DNAH17: variants seen among roughly 807,000 people sequenced by gnomAD.
DNAH17 encodes axonemal beta dynein heavy chain 17.
A neutral mutation model predicts 485.6 loss-of-function variants in DNAH17; 376 were observed. That is an observed-to-expected ratio of 0.77 (90% confidence interval 0.71 to 0.84). The LOEUF is 0.84. Among genes scored for constraint, DNAH17 ranks in the 40% least tolerant of loss-of-function variants. The pLI is 0.00. For missense variants in DNAH17, 6,370 were observed against 5,839.3 expected, an observed-to-expected ratio of 1.09 and a Z score of -2.96; for synonymous variants, 3,031 against 2,405.9, an observed-to-expected ratio of 1.26 and a Z score of -7.60.
intron 57 of DNAH17, 82 bp downstream of exon 57, chr17:78,462,762 C>G: frequency 7.1e-7 from 1 of 1,403,362 alleles, no homozygotes; most frequent in Non-Finnish European, 9.9e-7. Context: ...GTGACCAGCC[C>G]GTGGATGCCT....
Position 78,572,877 on chromosome 17 carries a change from T to TA in DNAH17, c.362dup (p.Leu121PhefsTer5). On this transcript the variant is annotated frameshift_variant, in exon 3 of 81. Transcript: ENST00000389840. LOFTEE classifies it high-confidence loss of function. ...ATCCAGCCATGTTCTCACTTTGGTTTAACAGAGAAGAGAGGACCTAAAAGG... is the reference window on the plus strand; with the variant it reads ...ATCCAGCCATGTTCTCACTTTGGTTTAAACAGAGAAGAGAGGACCTAAAAGG... 1.2e-6 allele frequency: 2 copies of TA among 1,613,812 alleles called. No homozygotes were observed. The highest frequency in any genetic ancestry group is 2.7e-5 in the African/African-American group (2 of 75,046).
chr17:78,446,701 T>C (rs2087320681), intron 69 of DNAH17, among the ~76,000 whole-genome samples: 1 of 152,232 alleles, frequency 6.6e-6, no homozygotes, highest in East Asian at 1.9e-4. Flanking sequence ...TGGAGCGCAG[T>C]AGCGCAATCT....
At chr17:78,559,765 C>CT (rs1357809411) in intron 13 of DNAH17, among the ~76,000 whole-genome samples, 3 of 152,158 alleles carry the variant, frequency 2.0e-5, no homozygotes, top group Non-Finnish European at 4.4e-5. Flanking sequence ...CCATGGGGCC[C>CT]TTCCTCGTCA....
chr17:78,569,855 C>T (rs1015015548), intron 7 of DNAH17, among the ~76,000 whole-genome samples: 2 of 152,166 alleles, frequency 1.3e-5, no homozygotes, highest in African/African-American at 4.8e-5. Context: ...AGGGATACAG[C>T]CCTTCAGCTC....
chr17:78,539,793 A>G lies in DNAH17; in HGVS notation c.2620T>C (p.Phe874Leu), dbSNP rs759027712. ...IYIDDMVLDEFDQFIRKSLSF... is the reference protein window; with the variant it reads ...IYIDDMVLDELDQFIRKSLSF... ...AGAGATTTGCGAATGAACTGGTCAA[A>G]TTCATCTAAGACCATGTCGTCAATG... The change falls in exon 18 of 81, where the codon TTT becomes CTT. Residue 874 changes from phenylalanine (F) to leucine (L), a missense_variant. Transcript: ENST00000389840. The G allele has an allele frequency of 1.2e-6, 2 of 1,612,096 alleles. No individual in the cohort carries two copies. Among genetic ancestry groups the G allele is most frequent in the Non-Finnish European group, 1.7e-6 (2 of 1,179,598 alleles).
intron 33 of DNAH17, chr17:78,502,262 C>T: frequency 3.0e-6 from 1 of 329,960 alleles, no homozygotes; most frequent in South Asian, 5.0e-5. Context: ...CAGGTAAATT[C>T]TCCTTCTTTT....
Position 78,572,694 on chromosome 17 carries a change from C to A in DNAH17, c.539+7G>T. On this transcript the variant is annotated splice_region_variant and intron_variant, in intron 3 of 80. Transcript: ENST00000389840. ...AGCGGCAGCCGGAAGCAGCTGGGCC[C>A]ACACACCTCTCCATGGACTCCAGCG... 6.3e-7 allele frequency: 1 copy of A among 1,597,132 alleles called. No homozygotes were observed. Among genetic ancestry groups the A allele is most frequent in the African/African-American group, 1.3e-5 (1 of 74,672 alleles).
chr17:78,485,750 A>G lies in DNAH17; in HGVS notation c.7283T>C (p.Leu2428Ser). The change falls in exon 47 of 81, where the codon TTG becomes TCG. Residue 2428 changes from leucine (L) to serine (S), a missense_variant. Transcript: ENST00000389840. Reference sequence around the variant, plus strand: ...GCGGATGGTTTCCGTGGTGTGGACCAAAGAGGCCTGGGGCAGGGGAGGGAA... The same window carrying G: ...GCGGATGGTTTCCGTGGTGTGGACCGAAGAGGCCTGGGGCAGGGGAGGGAA... ...LDPDVPLQAS[L>S]VHTTETIRIR... 6.2e-7 allele frequency: 1 copy of G among 1,609,860 alleles called. No individual in the cohort carries two copies. Among genetic ancestry groups the G allele is most frequent in the Non-Finnish European group, 8.5e-7 (1 of 1,179,666 alleles).
chr17:78,490,883 C>G (rs762550037), intron 43 of DNAH17, 36 bp from the exon 44 acceptor site: 1 of 1,549,100 alleles, frequency 6.5e-7, no homozygotes, highest in South Asian at 1.2e-5. Context: ...GGTCCTAAGG[C>G]GACACCTGCC....
At chr17:78,492,794 G>T in intron 41 of DNAH17, 29 bp from the exon 42 acceptor site, 1 of 1,599,046 alleles carries the variant, frequency 6.3e-7, no homozygotes, top group South Asian at 1.1e-5. Flanking sequence ...ACTCACGTGT[G>T]ACTCCATGTT....
At chr17:78,555,503 C>T (rs1320114979) in intron 14 of DNAH17, among the ~76,000 whole-genome samples, 2 of 138,824 alleles carry the variant, frequency 1.4e-5, no homozygotes, top group Non-Finnish European at 3.1e-5. Context: ...ATCTGGGGAG[C>T]CCTGCCACGG....
chr17:78,472,394 C>T (rs532841933), intron 54 of DNAH17, among the ~76,000 whole-genome samples: 1 of 152,000 alleles, frequency 6.6e-6, no homozygotes, highest in African/African-American at 2.4e-5. Context: ...AGGCCTCCTC[C>T]CTGAGAATAA....
chr17:78,498,089 C>T (rs1051743593), intron 37 of DNAH17, among the ~76,000 whole-genome samples: 6 of 151,888 alleles, frequency 4.0e-5, no homozygotes, highest in East Asian at 1.9e-4. Context: ...TTCAGTGAAC[C>T]GAGACTGTGC....
Position 78,571,651 on chromosome 17 carries a change from G to A in DNAH17, c.671C>T (p.Pro224Leu). The change falls in exon 4 of 81, where the codon CCC (proline) becomes CTC (leucine). Residue 224 changes from proline (P) to leucine (L), a missense_variant. Transcript: ENST00000389840. Reference sequence around the variant, plus strand: ...GTCCCAGAACTCGAACTCCACTTGGGGCAGGGGGTGCAGCCCATCCAGCAG... The same window carrying A: ...GTCCCAGAACTCGAACTCCACTTGGAGCAGGGGGTGCAGCCCATCCAGCAG... ...QALLDGLHPL[P>L]QVEFEFWDTR... is the part of the protein sequence containing the mutation. The A allele has an allele frequency of 6.2e-7, 1 of 1,614,020 alleles. No homozygotes were observed. Among genetic ancestry groups the A allele is most frequent in the African/African-American group, 1.3e-5 (1 of 75,060 alleles).
At chr17:78,433,600 T>C (rs568801761) in intron 75 of DNAH17, among the ~76,000 whole-genome samples, 2 of 152,288 alleles carry the variant, frequency 1.3e-5, no homozygotes, top group African/African-American at 4.8e-5. Context: ...CTCCAGACAC[T>C]GACAGAGCCG....
intron 25 of DNAH17, among the ~76,000 whole-genome samples, chr17:78,521,025 C>G (rs925326350): frequency 2.0e-5 from 3 of 152,122 alleles, no homozygotes; most frequent in South Asian, 2.1e-4. Context: ...GGGACAGACA[C>G]GAAGACCAAT....
At chr17:78,444,566 C>G in intron 71 of DNAH17, 38 bp downstream of exon 71, 1 of 1,518,496 alleles carries the variant, frequency 6.6e-7, no homozygotes, top group Non-Finnish European at 8.8e-7. Context: ...CAGGCCTGGG[C>G]CTCGGGGGCG....
chr17:78,485,200 G>C (rs1026347118), intron 47 of DNAH17, 167 bp from the exon 48 acceptor site: 6 of 824,414 alleles, frequency 7.3e-6, no homozygotes, highest in Admixed American at 3.0e-5. Context: ...GGGGCACCGG[G>C]TACAGCCCCA....
chr17:78,484,996 C>G lies in DNAH17; in HGVS notation c.7521G>C (p.Arg2507Ser). ...TCTTAGTGCCTGGCGGCCCGTAGTT[C>G]CTCCCCGATTTCTTCTCCAGCGGCT... ...LEKPLEKKSG[R>S]NYGPPGTKKL... The change falls in exon 48 of 81, where the codon AGG (arginine) becomes AGC (serine). Residue 2507 changes from arginine (R) to serine (S), a missense_variant. Physicochemically the swap from Arg to Ser is moderately radical, Grantham distance 110 (BLOSUM62 -1). Coordinates refer to ENST00000389840, the MANE Select transcript of DNAH17 (RefSeq NM_173628.4). 6.2e-7 allele frequency: 1 copy of G among 1,613,168 alleles called. No individual in the cohort carries two copies. Among genetic ancestry groups the G allele is most frequent in the Non-Finnish European group, 8.5e-7 (1 of 1,179,520 alleles).
Sources: gnomAD v4.1 joint callset for allele counts (sites outside exome capture counted in the v4.1 genomes callset) on GRCh38, gnomAD v4.1.1 for gene constraint, MANE v1.5 for transcripts, NCBI Gene and HGNC (gene_info 2026-07-23, HGNC 2026-07-21) for gene names.